The following TEX11 variants were observed in gnomAD, a reference collection of about 807,000 sequenced individuals.
TEX11 encodes testis-expressed protein 11.
A neutral mutation model predicts 84.4 loss-of-function variants in TEX11; 7 were observed. The observed-to-expected ratio is 0.08, with a 90% CI of 0.05 to 0.16. The LOEUF (loss-of-function observed/expected upper bound fraction) is 0.16, where lower values mean the gene tolerates loss of function less well. Among genes scored for constraint, TEX11 ranks in the 10% least tolerant of loss-of-function variants. The pLI is 1.00. For synonymous variants in TEX11, 264 were observed against 222.8 expected (o/e 1.18, Z -1.64); for missense variants, 551 against 660.5 (o/e 0.83, Z 1.82).
chrX:70,814,211 G>A (rs1205418534), intron 8 of TEX11, among the ~76,000 whole-genome samples: 1 of 111,598 alleles, frequency 9.0e-6, no homozygotes, highest in Non-Finnish European at 1.9e-5. Context: ...ATACTACAAG[G>A]CTACAGTAAC....
At chrX:70,859,142 T>A (rs2091554448) in intron 5 of TEX11, among the ~76,000 whole-genome samples, 1 of 111,349 alleles carries the variant, frequency 9.0e-6, no homozygotes, top group African/African-American at 3.3e-5. Flanking sequence ...TTACTCTAAC[T>A]GAGTGATGGG....
At chrX:70,588,263 C>T (rs61070278) in intron 25 of TEX11, among the ~76,000 whole-genome samples, 9,087 of 110,960 alleles carry the variant, frequency 0.082, 832 homozygotes, top group African/African-American at 0.26. Flanking sequence ...CGGGGTGGAA[C>T]CATATGGTTA....
intron 9 of TEX11, among the ~76,000 whole-genome samples, chrX:70,752,486 C>T (rs1312379591): frequency 3.4e-5 from 3 of 89,353 alleles, no homozygotes; most frequent in Non-Finnish European, 4.2e-5. Context: ...GATGGCACCA[C>T]TGCATCCCAG....
chrX:70,567,962 T>G (rs1012630383), intron 25 of TEX11, among the ~76,000 whole-genome samples: 2 of 111,465 alleles, frequency 1.8e-5, no homozygotes, highest in Admixed American at 1.9e-4. Flanking sequence ...GGTATCCTTG[T>G]TAACTTTCTG....
intron 7 of TEX11, among the ~76,000 whole-genome samples, chrX:70,841,198 C>A (rs2147841273): frequency 9.0e-6 from 1 of 110,643 alleles, no homozygotes; most frequent in South Asian, 3.9e-4. Context: ...CACCACACCA[C>A]ACCTATTCCA....
intron 13 of TEX11, among the ~76,000 whole-genome samples, chrX:70,703,269 C>T (rs769230718): frequency 2.2e-4 from 25 of 111,619 alleles, no homozygotes; most frequent in Non-Finnish European, 3.6e-4. Flanking sequence ...TTTATAACTT[C>T]TACATATTTT....
intron 13 of TEX11, among the ~76,000 whole-genome samples, chrX:70,687,787 A>G (rs1849512378): frequency 9.0e-6 from 1 of 110,645 alleles, no homozygotes; most frequent in Non-Finnish European, 1.9e-5. Context: ...TTGAGGCTGC[A>G]GTGAGCTATG....
intron 8 of TEX11, among the ~76,000 whole-genome samples, chrX:70,829,547 G>T (rs746034052): frequency 4.5e-4 from 49 of 108,669 alleles, no homozygotes; most frequent in African/African-American, 1.6e-3. Context: ...CACTGAAATT[G>T]TGGGGTGTAA....
At chrX:70,561,091 T>A (rs776066788) in intron 25 of TEX11, among the ~76,000 whole-genome samples, 1 of 107,816 alleles carries the variant, frequency 9.3e-6, no homozygotes, top group East Asian at 2.9e-4. Context: ...AATCTATAGA[T>A]CAATTTGGGA....
At chrX:70,884,719 G>A (rs897781957) in intron 2 of TEX11, among the ~76,000 whole-genome samples, 1 of 110,905 alleles carries the variant, frequency 9.0e-6, no homozygotes, top group African/African-American at 3.3e-5. Flanking sequence ...AGATGGAACT[G>A]TATGTACCAT....
At chrX:70,568,283 T>G (rs1351254527) in intron 25 of TEX11, among the ~76,000 whole-genome samples, 1 of 111,032 alleles carries the variant, frequency 9.0e-6, no homozygotes, top group South Asian at 3.9e-4. Flanking sequence ...TCCTTTTATT[T>G]TGAGCCTATG....
At position 70,853,081 on chromosome X, in the gene TEX11, T is replaced by C. The variant is rs1341488009; in HGVS notation, c.478A>G (p.Thr160Ala). The stretch of plus-strand genomic sequence containing the variant: ...ACTCTGAAGTGGTCACTCTCAACAG[T>C]AATCTTCTCCATGGTCAAGTCAGCC... Reference protein sequence around the residue: ...PEADLTMEKITVESDHFRVLS... With the variant: ...PEADLTMEKIAVESDHFRVLS... Residue 160 changes from threonine (T) to alanine (A), a missense_variant, in exon 7 of 30, where the codon ACT becomes GCT. Transcript: ENST00000374333. 1 of 1,209,011 alleles carries C rather than the reference T, an allele frequency of 8.3e-7. No homozygotes were observed.
chrX:70,623,495 T>C (rs1248319286), intron 20 of TEX11, among the ~76,000 whole-genome samples: 1 of 112,215 alleles, frequency 8.9e-6, no homozygotes, highest in Non-Finnish European at 1.9e-5. Context: ...AAGTAAGAGA[T>C]ATGTCTATAT....
At chrX:70,620,286 T>C (rs1347687256) in intron 20 of TEX11, among the ~76,000 whole-genome samples, 1 of 111,573 alleles carries the variant, frequency 9.0e-6, no homozygotes, top group African/African-American at 3.3e-5. Flanking sequence ...GAGAAAAGAA[T>C]GGGCCAAAGA....
intron 25 of TEX11, among the ~76,000 whole-genome samples, chrX:70,574,856 G>A (rs937608922): frequency 6.3e-5 from 7 of 111,127 alleles, no homozygotes; most frequent in African/African-American, 2.3e-4. Flanking sequence ...GCAAGTTGGG[G>A]AGCAAGGCAT....
chrX:70,633,581 A>G (rs2089535592), intron 17 of TEX11, among the ~76,000 whole-genome samples: 1 of 112,213 alleles, frequency 8.9e-6, no homozygotes, highest in Non-Finnish European at 1.9e-5. Flanking sequence ...TTGAAAAAGA[A>G]GTGAAATTAT....
intron 15 of TEX11, among the ~76,000 whole-genome samples, chrX:70,677,201 T>C (rs979442070): frequency 4.5e-5 from 5 of 111,911 alleles, no homozygotes; most frequent in Non-Finnish European, 9.4e-5. Flanking sequence ...AGCAATTAAG[T>C]TCCTTGGGAT....
intron 28 of TEX11, among the ~76,000 whole-genome samples, chrX:70,536,728 T>C (rs2087963588): frequency 8.9e-6 from 1 of 112,552 alleles, no homozygotes; most frequent in Non-Finnish European, 1.9e-5. Context: ...TATCATTTTA[T>C]AGTTTTAAAA....
chrX:70,637,569 T>C (rs980890232), intron 17 of TEX11, among the ~76,000 whole-genome samples: 1 of 110,914 alleles, frequency 9.0e-6, no homozygotes, highest in African/African-American at 3.4e-5. Flanking sequence ...CACCATGGAA[T>C]ACTATGCAGC....
Sources: allele counts gnomAD v4.1 joint callset (sites outside exome capture counted in the v4.1 genomes callset), GRCh38; gene constraint gnomAD v4.1.1; transcripts MANE v1.5; gene names NCBI Gene and HGNC (gene_info 2026-07-23, HGNC 2026-07-21).